The following TMEM117 variants were observed in gnomAD, a reference collection of about 807,000 sequenced individuals.
TMEM117 encodes transmembrane protein 117.
TMEM117 carries 27 observed loss-of-function variants against 52.4 expected under a neutral mutation model. That is an observed-to-expected ratio of 0.51 (90% confidence interval 0.38 to 0.71). The LOEUF (loss-of-function observed/expected upper bound fraction) is 0.71. TMEM117 is among the 30% of genes least tolerant of loss of function. TMEM117 has a pLI of 0.00. For synonymous variants in TMEM117, 215 were observed against 206.3 expected (o/e 1.04, Z -0.36); for missense variants, 556 against 630.5 (o/e 0.88, Z 1.26).
intron 5 of TMEM117, among the ~76,000 whole-genome samples, chr12:44,271,962 A>G (rs1950451302): frequency 6.6e-6 from 1 of 152,088 alleles, no homozygotes; most frequent in South Asian, 2.1e-4. Flanking sequence ...AGACATACAG[A>G]AATCCAACAC....
At chr12:44,364,016 A>G (rs1951757830) in intron 6 of TMEM117, among the ~76,000 whole-genome samples, 1 of 152,154 alleles carries the variant, frequency 6.6e-6, no homozygotes, top group Non-Finnish European at 1.5e-5. Flanking sequence ...TCCTCCAGCA[A>G]GAGGCAATAA....
chr12:44,052,126 A>G (rs538292472), intron 3 of TMEM117, among the ~76,000 whole-genome samples: 1 of 152,350 alleles, frequency 6.6e-6, no homozygotes, highest in African/African-American at 2.4e-5. Context: ...AAAACAATAC[A>G]TATTAGCAAT....
chr12:43,797,701 C>T, the TMEM117 span: 5 of 1,610,752 alleles, frequency 3.1e-6, no homozygotes, highest in African/African-American at 2.7e-5. Flanking sequence ...CATTATACAT[C>T]TCTTACCAAC....
At chr12:44,140,669 C>T (rs563364928) in intron 3 of TMEM117, among the ~76,000 whole-genome samples, 2 of 152,202 alleles carry the variant, frequency 1.3e-5, no homozygotes, top group South Asian at 2.1e-4. Context: ...ACAGTAGAAG[C>T]TGTTCACCAC....
intron 5 of TMEM117, among the ~76,000 whole-genome samples, chr12:44,217,552 T>C (rs559053761): frequency 2.0e-5 from 3 of 152,224 alleles, no homozygotes; most frequent in Non-Finnish European, 4.4e-5. Flanking sequence ...GCATTAAATA[T>C]ATTGACGGTT....
At chr12:43,806,657 A>G in the TMEM117 span, among the ~76,000 whole-genome samples, 2 of 152,236 alleles carry the variant, frequency 1.3e-5, no homozygotes, top group South Asian at 4.1e-4. Flanking sequence ...CCAAATAGGC[A>G]TTTTCCAGCT....
chr12:43,964,454 CT>C (rs1271644813), intron 3 of TMEM117, among the ~76,000 whole-genome samples: 1 of 152,164 alleles, frequency 6.6e-6, no homozygotes, highest in African/African-American at 2.4e-5. Flanking sequence ...TCCTACTTCT[CT>C]TTCCTAAAAT....
chr12:44,020,417 A>G (rs1370191083), intron 3 of TMEM117, among the ~76,000 whole-genome samples: 1 of 152,200 alleles, frequency 6.6e-6, no homozygotes, highest in Non-Finnish European at 1.5e-5. Context: ...GTAGCATGGC[A>G]TAGTTCAAGA....
chr12:44,085,091 C>T (rs1947544625), intron 3 of TMEM117, among the ~76,000 whole-genome samples: 1 of 152,206 alleles, frequency 6.6e-6, no homozygotes, highest in African/African-American at 2.4e-5. Flanking sequence ...AATCTTGACA[C>T]ATTTGGCATC....
chr12:44,164,253 T>C (rs1302281060), intron 4 of TMEM117, among the ~76,000 whole-genome samples: 1 of 152,210 alleles, frequency 6.6e-6, no homozygotes, highest in Non-Finnish European at 1.5e-5. Context: ...AAGTGGTTTT[T>C]GGTTACATGG....
intron 6 of TMEM117, among the ~76,000 whole-genome samples, chr12:44,307,301 A>G (rs746356262): frequency 1.3e-5 from 2 of 152,206 alleles, no homozygotes; most frequent in Non-Finnish European, 2.9e-5. Context: ...GATTACATTT[A>G]CAGGCTACTT....
At chr12:44,390,085 A>T (rs1422085462), downstream of TMEM117, among the ~76,000 whole-genome samples, 1 of 152,048 alleles carries the variant, frequency 6.6e-6, no homozygotes, top group East Asian at 1.9e-4. Flanking sequence ...TTTATCTGTC[A>T]CTTGAGAGCC....
At chr12:44,204,019 A>G (rs1272776016) in intron 4 of TMEM117, among the ~76,000 whole-genome samples, 3 of 152,180 alleles carry the variant, frequency 2.0e-5, no homozygotes, top group Non-Finnish European at 2.9e-5. Flanking sequence ...CAAGACAAGG[A>G]TACCCACTCT....
chr12:44,314,746 A>G (rs1951033634), intron 6 of TMEM117, among the ~76,000 whole-genome samples: 1 of 151,874 alleles, frequency 6.6e-6, no homozygotes, highest in African/African-American at 2.4e-5. Flanking sequence ...TTATCAGTTT[A>G]TGGTATCAGG....
chr12:44,197,109 A>T (rs1170260673), intron 4 of TMEM117, among the ~76,000 whole-genome samples: 2 of 152,156 alleles, frequency 1.3e-5, no homozygotes, highest in Non-Finnish European at 2.9e-5. Flanking sequence ...TGGCTCCATC[A>T]TTAGGGATAG....
intron 5 of TMEM117, among the ~76,000 whole-genome samples, chr12:44,279,947 C>G (rs556723827): frequency 1.1e-4 from 16 of 152,132 alleles, no homozygotes; most frequent in Non-Finnish European, 1.6e-4. Context: ...AAATTCTCTC[C>G]TTCCCTAGAT....
At chr12:44,346,550 T>C (rs1951489754) in intron 6 of TMEM117, among the ~76,000 whole-genome samples, 2 of 152,114 alleles carry the variant, frequency 1.3e-5, no homozygotes, top group African/African-American at 4.8e-5. Context: ...AAAGTACTCA[T>C]TGGGTCTATT....
chr12:43,805,661 G>A, the TMEM117 span: 4 of 647,618 alleles, frequency 6.2e-6, no homozygotes, highest in African/African-American at 5.6e-5. Flanking sequence ...CAAAACACAC[G>A]CTTACACTCG....
At chr12:43,799,551 G>T in the TMEM117 span, 2 of 1,106,592 alleles carry the variant, frequency 1.8e-6, no homozygotes, top group Non-Finnish European at 2.6e-6. Context: ...GAAGTAAAAT[G>T]ACAGTGAAGT....
Sources: allele counts gnomAD v4.1 joint callset (sites outside exome capture counted in the v4.1 genomes callset), GRCh38; gene constraint gnomAD v4.1.1; transcripts MANE v1.5; gene names NCBI Gene and HGNC (gene_info 2026-07-23, HGNC 2026-07-21).